RGS12: variants seen among roughly 807,000 people sequenced by gnomAD.
The protein encoded by RGS12 is regulator of G-protein signaling 12.
Under a neutral mutation model 120.1 loss-of-function variants are expected in RGS12, and 66 were observed. That is an observed-to-expected ratio of 0.55 (90% CI 0.45 to 0.67). The LOEUF (loss-of-function observed/expected upper bound fraction) is 0.67. Ranked by LOEUF, RGS12 falls within the 30% of genes least tolerant of loss-of-function variation. RGS12 has a pLI of 0.00. For missense variants in RGS12, 1,859 were observed against 1,957.7 expected (o/e 0.95, Z 0.95); for synonymous variants, 827 against 804.7 (o/e 1.03, Z -0.47).
At chr4:3,346,069 G>T (rs956368385) in intron 3 of RGS12, among the ~76,000 whole-genome samples, 1 of 152,084 alleles carries the variant, frequency 6.6e-6, no homozygotes, top group African/African-American at 2.4e-5. Flanking sequence ...TGGGTATATG[G>T]TCCTTAATTT....
In RGS12 at chr4:3,317,109, G is replaced by A; in HGVS notation, c.939G>A (p.Gly313=). Reference sequence around the variant, plus strand: ...GCCCGGACGACCGGCGATTTTTCGGGTTGGTTACCATGCAGACGAATGACG... The same window carrying A: ...GCCCGGACGACCGGCGATTTTTCGGATTGGTTACCATGCAGACGAATGACG... ...AVCPDDRRFF[G]LVTMQTNDDG... The change falls in exon 2 of 18, where the codon GGG becomes GGA. Residue 313 remains glycine (G), a synonymous_variant. Transcript: ENST00000336727. The A allele has an allele frequency of 1.9e-6, 3 of 1,613,858 alleles. No individual in the cohort carries two copies. Among genetic ancestry groups the A allele is most frequent in the African/African-American group, 1.3e-5 (1 of 75,078 alleles).
intron 2 of RGS12, among the ~76,000 whole-genome samples, chr4:3,341,134 G>A (rs1203307464): frequency 6.7e-6 from 1 of 149,666 alleles, no homozygotes; most frequent in Non-Finnish European, 1.5e-5. Flanking sequence ...CTGCCAAGAG[G>A]ATAGTGACAC....
intron 6 of RGS12, among the ~76,000 whole-genome samples, chr4:3,415,171 T>C (rs1722245587): frequency 8.0e-6 from 1 of 124,922 alleles, no homozygotes; most frequent in Admixed American, 7.9e-5. Context: ...GTGAGGGGCG[T>C]GTGTGATAGG....
Position 3,389,414 on chromosome 4 carries a change from C to G in RGS12, c.2020+2977C>G, listed in dbSNP as rs1282283037. ...TCTGCCTTGTGGGAAGTTATTCAGACAGAAGTGTGAGGTCGAGCTGGAGGG... is the reference window on the plus strand; with the variant it reads ...TCTGCCTTGTGGGAAGTTATTCAGAGAGAAGTGTGAGGTCGAGCTGGAGGG... On this transcript the variant is annotated intron_variant, in intron 4 of 17. Coordinates refer to ENST00000336727, the MANE Select transcript of RGS12 (RefSeq NM_001394154.1). This position sits in a 1 kb window ranked among gnomAD's most constrained non-coding sequence, Gnocchi z 5.2. Among the ~76,000 whole-genome samples the G allele has an allele frequency of 1.3e-5, 2 of 152,116 alleles. No individual in the cohort carries two copies. Among genetic ancestry groups the G allele is most frequent in the Non-Finnish European group, 2.9e-5 (2 of 68,016 alleles).
chr4:3,432,742 TC>T (rs1724442240), intron 17 of RGS12, among the ~76,000 whole-genome samples: 1 of 152,194 alleles, frequency 6.6e-6, no homozygotes, highest in Admixed American at 6.5e-5. Context: ...CAGAACTGGT[TC>T]CCCGCCCCGC....
Position 3,317,744 on chromosome 4 carries a change from G to T in RGS12, c.1574G>T (p.Gly525Val). 1 of 1,613,588 alleles carries T rather than the reference G, an allele frequency of 6.2e-7. No homozygotes were observed. The highest frequency in any genetic ancestry group is 8.5e-7 in the Non-Finnish European group (1 of 1,180,016). The change falls in exon 2 of 18, where the codon GGC becomes GTC. Residue 525 changes from glycine to valine, a missense_variant. Physicochemically the swap from Gly to Val is moderately radical, Grantham distance 109 (BLOSUM62 -3). This residue lies in a region of RGS12 where 967 missense variants were observed against 994.2 expected (regional missense o/e 0.97). Coordinates refer to ENST00000336727, the MANE Select transcript of RGS12 (RefSeq NM_001394154.1). ...AGCTCAGTCCCCCCTTCCAAGAGGGGCACCGTGGGTGCTGGCTGTGGTTTC... is the reference window on the plus strand; with the variant it reads ...AGCTCAGTCCCCCCTTCCAAGAGGGTCACCGTGGGTGCTGGCTGTGGTTTC... ...LRSSVPPSKR[G>V]TVGAGCGFNQ...
At chr4:3,414,314 C>A in intron 5 of RGS12, 73 bp downstream of exon 5, 1 of 1,450,636 alleles carries the variant, frequency 6.9e-7, no homozygotes, top group Non-Finnish European at 9.1e-7. Flanking sequence ...GATCTGTGGG[C>A]CGCCCTAGAG....
At chr4:3,422,338 C>G in intron 10 of RGS12, 38 bp from the exon 11 acceptor site, 1 of 1,576,320 alleles carries the variant, frequency 6.3e-7, no homozygotes, top group Non-Finnish European at 8.6e-7. Flanking sequence ...CCCTGTGACG[C>G]TGGTTCCCTC....
chr4:3,396,285 T>G lies in RGS12; in HGVS notation c.2020+9848T>G, dbSNP rs1006344464. 5.1e-4 allele frequency among the ~76,000 whole-genome samples: 77 copies of G among 152,244 alleles called. 1 individual carries two copies. The highest frequency in any genetic ancestry group is 5.0e-3 in the Admixed American group (77 of 15,286). ...TGTTCATTCTCTTAGTGGTATCTTG[T>G]GATGACTGAAAGTTCTTAATATAAT... is the stretch of plus-strand genomic sequence containing the variant. On this transcript the variant is annotated intron_variant, in intron 4 of 17. Coordinates refer to ENST00000336727, the MANE Select transcript of RGS12 (RefSeq NM_001394154.1).
In RGS12 at chr4:3,332,681, G is replaced by A. The variant is rs189979850; in HGVS notation, c.1882-10256G>A. ...TCCTCTTGGGCTGTCTTTTCCTCAT[G>A]GACTGCGGGAATGATAGACGCTGGC... On this transcript the variant is annotated intron_variant, in intron 2 of 17. Transcript: ENST00000336727. 6.1e-4 allele frequency among the ~76,000 whole-genome samples: 93 copies of A among 152,294 alleles called. 1 individual carries two copies. Among genetic ancestry groups the A allele is most frequent in the Admixed American group, 3.3e-3 (51 of 15,306 alleles).
chr4:3,321,141 C>T (rs1725156267), intron 2 of RGS12, among the ~76,000 whole-genome samples: 1 of 152,104 alleles, frequency 6.6e-6, no homozygotes, highest in Admixed American at 6.5e-5. Context: ...ATTCAGTATA[C>T]AGAATCGTTA....
intron 3 of RGS12, among the ~76,000 whole-genome samples, chr4:3,354,646 C>T (rs1225162982): frequency 6.6e-6 from 1 of 152,166 alleles, no homozygotes; most frequent in Non-Finnish European, 1.5e-5. Context: ...CAAAATAATC[C>T]AGAGTTCACA....
intron 2 of RGS12, among the ~76,000 whole-genome samples, chr4:3,324,992 A>G (rs1012545193): frequency 6.6e-6 from 1 of 152,152 alleles, no homozygotes; most frequent in African/African-American, 2.4e-5. Context: ...CTTATTGATT[A>G]GTAAGAGCTC....
intron 17 of RGS12, among the ~76,000 whole-genome samples, chr4:3,435,172 G>A (rs558220901): frequency 7.9e-5 from 12 of 152,246 alleles, no homozygotes; most frequent in South Asian, 6.2e-4. Flanking sequence ...CAGGGCCCCC[G>A]GAGCTCAGCT....
upstream of RGS12, among the ~76,000 whole-genome samples, chr4:3,289,830 G>A (rs1560628860): frequency 6.6e-6 from 1 of 152,140 alleles, no homozygotes; most frequent in Non-Finnish European, 1.5e-5. Context: ...CCCACCCACA[G>A]CCTCTGGTAA....
intron 4 of RGS12, among the ~76,000 whole-genome samples, chr4:3,396,425 C>T (rs978758508): frequency 2.0e-5 from 3 of 152,214 alleles, no homozygotes; most frequent in African/African-American, 7.2e-5. Context: ...ATTTAAATCT[C>T]TGATTCATCT....
intron 6 of RGS12, 132 bp from the exon 7 acceptor site, chr4:3,415,846 A>G (rs1722336858): frequency 2.2e-6 from 2 of 893,208 alleles, no homozygotes; most frequent in Admixed American, 2.9e-5. Flanking sequence ...TTATTTATTT[A>G]TTCAAGCAAG....
chr4:3,353,225 C>T (rs1420715138), intron 3 of RGS12, among the ~76,000 whole-genome samples: 3 of 152,168 alleles, frequency 2.0e-5, no homozygotes, highest in Non-Finnish European at 4.4e-5. Flanking sequence ...AGGCCTGGGG[C>T]AGGACTACAA....
At chr4:3,311,853 C>T (rs977005532) in intron 1 of RGS12, among the ~76,000 whole-genome samples, 4 of 152,214 alleles carry the variant, frequency 2.6e-5, no homozygotes, top group Non-Finnish European at 4.4e-5. Flanking sequence ...GCCTGTGTGA[C>T]GTGGTCGGTG....
Sources: gnomAD v4.1 joint callset for allele counts (sites outside exome capture counted in the v4.1 genomes callset) on GRCh38, gnomAD v4.1.1 for gene constraint, gnomAD v4.1.1 regional missense constraint, Gnocchi (gnomAD v3.1) non-coding constraint, MANE v1.5 for transcripts, NCBI Gene and HGNC (gene_info 2026-07-23, HGNC 2026-07-21) for gene names.